Variants in DMD observed in about 807,000 individuals in gnomAD.
DMD encodes the protein dystrophin, also known as mutant dystrophin.
In DMD, 63 loss-of-function variants were observed where a neutral mutation model predicts 330.1. The observed-to-expected ratio is 0.19, with a 90% CI of 0.16 to 0.24. The LOEUF is 0.24. Among genes scored for constraint, DMD ranks in the 10% least tolerant of loss-of-function variants. The probability of loss-of-function intolerance (pLI) is 1.00; values close to 1 mark genes in which losing one functional copy is unlikely to be tolerated. For synonymous variants in DMD, 1,223 were observed against 959.8 expected, an observed-to-expected ratio of 1.27 and a Z score of -5.07; for missense variants, 3,344 against 2,684.1, an observed-to-expected ratio of 1.25 and a Z score of -5.43.
chrX:33,263,438 A>AATATAT (rs765418939), intron 1 of DMD, among the ~76,000 whole-genome samples: 1,176 of 103,909 alleles, frequency 0.011, 20 homozygotes, highest in African/African-American at 0.038. Context: ...CTTTTTAAAA[A>AATATAT]ATATATATAT....
intron 1 of DMD, among the ~76,000 whole-genome samples, chrX:33,172,234 T>C (rs762520090): frequency 9.0e-6 from 1 of 111,218 alleles, no homozygotes; most frequent in Admixed American, 9.6e-5. Context: ...CCCGCCATAC[T>C]TTTATTTCCT....
At chrX:31,457,938 C>T (rs7876815) in intron 59 of DMD, among the ~76,000 whole-genome samples, 26,226 of 110,876 alleles carry the variant, frequency 0.24, 3,083 homozygotes, top group African/African-American at 0.46. Context: ...ATTGCAAAAA[C>T]GTCCTTTAAT....
intron 1 of DMD, among the ~76,000 whole-genome samples, chrX:33,336,252 CGTGTGT>C (rs35895322): frequency 9.2e-5 from 9 of 97,946 alleles, no homozygotes; most frequent in Middle Eastern, 5.4e-3. Context: ...TTTTCCAAAG[CGTGTGT>C]GTGTGTGTGT....
intron 55 of DMD, among the ~76,000 whole-genome samples, chrX:31,583,948 C>T (rs1175192274): frequency 1.1e-5 from 1 of 89,808 alleles, no homozygotes; most frequent in Non-Finnish European, 2.1e-5. Flanking sequence ...GTGATGTTCC[C>T]CTTCCTGTGT....
intron 4 of DMD, among the ~76,000 whole-genome samples, chrX:32,839,608 A>C (rs748208616): frequency 8.9e-6 from 1 of 112,436 alleles, no homozygotes; most frequent in East Asian, 2.8e-4. Context: ...TCAACTTTAG[A>C]AAAAAAATCC....
At chrX:32,671,303 T>C (rs935060787) in intron 9 of DMD, among the ~76,000 whole-genome samples, 1 of 111,139 alleles carries the variant, frequency 9.0e-6, no homozygotes, top group African/African-American at 3.3e-5. Context: ...CAAACTGTTT[T>C]CAACAAACTT....
intron 1 of DMD, among the ~76,000 whole-genome samples, chrX:33,236,211 T>A (rs1370092308): frequency 9.4e-6 from 1 of 105,864 alleles, no homozygotes; most frequent in African/African-American, 3.4e-5. Flanking sequence ...CCACTGCGCC[T>A]GTCCGTTATA....
At chrX:32,763,859 A>T (rs913490765) in intron 7 of DMD, among the ~76,000 whole-genome samples, 3 of 111,513 alleles carry the variant, frequency 2.7e-5, no homozygotes, top group Admixed American at 9.6e-5. Flanking sequence ...ACGAAATACT[A>T]AGAGTACTGT....
chrX:31,974,897 A>ATT (rs1491010467), intron 44 of DMD, among the ~76,000 whole-genome samples: 1 of 80,713 alleles, frequency 1.2e-5, no homozygotes, highest in Non-Finnish European at 2.3e-5. Flanking sequence ...ATTCATATCA[A>ATT]TTATATATAT....
chrX:32,669,470 T>G (rs746917261), intron 9 of DMD, among the ~76,000 whole-genome samples: 2 of 112,058 alleles, frequency 1.8e-5, no homozygotes, highest in East Asian at 5.6e-4. Flanking sequence ...GATAGATCGA[T>G]CAACAAAACA....
chrX:32,194,804 A>G (rs1026648840), intron 44 of DMD, among the ~76,000 whole-genome samples: 3 of 112,129 alleles, frequency 2.7e-5, no homozygotes, highest in African/African-American at 9.7e-5. Flanking sequence ...TGGTAAAGAT[A>G]GAAATATAAT....
intron 76 of DMD, among the ~76,000 whole-genome samples, chrX:31,143,150 T>G (rs2036275442): frequency 9.0e-6 from 1 of 111,504 alleles, no homozygotes; most frequent in East Asian, 2.8e-4. Flanking sequence ...GAAGTTAGCT[T>G]ATGCAGTTCG....
intron 44 of DMD, among the ~76,000 whole-genome samples, chrX:32,126,487 G>T (rs972316143): frequency 8.9e-6 from 1 of 111,831 alleles, no homozygotes; most frequent in African/African-American, 3.3e-5. Context: ...TTATCCTCCA[G>T]CCATGAGATT....
At chrX:33,008,951 C>CATAA (rs1319883161) in intron 2 of DMD, among the ~76,000 whole-genome samples, 4 of 82,644 alleles carry the variant, frequency 4.8e-5, no homozygotes, top group Non-Finnish European at 9.5e-5. Flanking sequence ...CGTATATATA[C>CATAA]GTATATATAC....
At chrX:32,892,793 G>A (rs951924105) in intron 2 of DMD, among the ~76,000 whole-genome samples, 2 of 111,810 alleles carry the variant, frequency 1.8e-5, no homozygotes, top group Admixed American at 9.5e-5. Flanking sequence ...TCCCAGCTCA[G>A]GCCTACACGC....
At chrX:32,502,632 C>G (rs201590856) in intron 18 of DMD, among the ~76,000 whole-genome samples, 3 of 112,065 alleles carry the variant, frequency 2.7e-5, no homozygotes, top group South Asian at 7.4e-4. Context: ...TAAAACATAA[C>G]TATTCAAATA....
Position 31,797,414 on chromosome X carries a change from T to A in DMD, c.7309+22561A>T, listed in dbSNP as rs1166985068. ...TAGGTGATCCTTGGGTAAGACTATT[T>A]AAAGGCACTGAGGGTGAGATTACAG... On this transcript the variant is annotated intron_variant, in intron 50 of 78. Transcript: ENST00000357033. Among the ~76,000 whole-genome samples the A allele has an allele frequency of 2.7e-5, 3 of 111,258 alleles. No homozygotes were observed. In the Admixed American group the frequency reaches 2.9e-4, roughly 11 times the overall value.
intron 44 of DMD, among the ~76,000 whole-genome samples, chrX:32,166,141 G>T (rs1341614780): frequency 2.7e-5 from 3 of 111,228 alleles, no homozygotes; most frequent in East Asian, 2.8e-4. Context: ...AAAGAGGTCT[G>T]CCCAGACTGC....
chrX:31,239,946 G>A (rs1472452237), intron 63 of DMD, among the ~76,000 whole-genome samples: 1 of 111,627 alleles, frequency 9.0e-6, no homozygotes, highest in Non-Finnish European at 1.9e-5. Context: ...CTTTAAGAAA[G>A]GACATCCTCT....
Sources: gnomAD v4.1 joint callset for allele counts (sites outside exome capture counted in the v4.1 genomes callset) on GRCh38, gnomAD v4.1.1 for gene constraint, MANE v1.5 for transcripts, NCBI Gene and HGNC (gene_info 2026-07-23, HGNC 2026-07-21) for gene names.